Variants in HERC2 observed in about 807,000 individuals in gnomAD.
HERC2 encodes HECT and RLD domain containing E3 ubiquitin protein ligase 2.
In HERC2, 102 loss-of-function variants were observed where a neutral mutation model predicts 537.7. The observed-to-expected ratio is 0.19, with a 90% CI of 0.16 to 0.22. The LOEUF (loss-of-function observed/expected upper bound fraction) is 0.22. Among genes scored for constraint, HERC2 ranks in the 10% least tolerant of loss-of-function variants. The probability of loss-of-function intolerance (pLI) is 1.00; values close to 1 mark genes in which losing one functional copy is unlikely to be tolerated. For synonymous variants in HERC2, 2,224 were observed against 2,466.2 expected (o/e 0.90, Z 2.91); for missense variants, 4,236 against 6,198.2 (o/e 0.68, Z 10.63).
rs938189065 is a variant in HERC2, at chr15:28,270,610, C to G, written c.1257+85G>C. The G allele has an allele frequency of 3.0e-6, 4 of 1,340,472 alleles. No individual in the cohort carries two copies. The African/African-American group carries it at 5.9e-5, about 20-fold the overall frequency. 83.0% of individuals were successfully genotyped at this position (1,340,472 alleles called of 1,614,324 possible). Reference sequence around the variant, plus strand: ...CTCCCCCTACCAATACCAGAAAAAGCAAGTCTCCACACGGGCCCAGGATGA... The same window carrying G: ...CTCCCCCTACCAATACCAGAAAAAGGAAGTCTCCACACGGGCCCAGGATGA... On this transcript the variant is annotated intron_variant, in intron 10 of 92. Transcript: ENST00000261609.
At chr15:28,281,082 G>A (rs16950987) in intron 4 of HERC2, among the ~76,000 whole-genome samples, 34,401 of 152,030 alleles carry the variant, frequency 0.23, 7,790 homozygotes, top group African/African-American at 0.57. Context: ...GACTCATGAA[G>A]CACATTTATG....
intron 4 of HERC2, among the ~76,000 whole-genome samples, chr15:28,289,288 A>G (rs1451215313): frequency 6.6e-6 from 1 of 152,174 alleles, no homozygotes; most frequent in Non-Finnish European, 1.5e-5. Context: ...ACACCAAATC[A>G]GAAGAAAGGA....
intron 70 of HERC2, among the ~76,000 whole-genome samples, chr15:28,148,107 GA>G (rs1445635109): frequency 6.6e-6 from 1 of 150,564 alleles, no homozygotes; most frequent in Non-Finnish European, 1.5e-5. Flanking sequence ...AAGCAGGCCA[GA>G]AAGATACACC....
intron 8 of HERC2, 63 bp downstream of exon 8, chr15:28,272,831 T>A: frequency 9.3e-7 from 1 of 1,071,578 alleles, no homozygotes; most frequent in South Asian, 1.3e-5. Context: ...ACACACACAA[T>A]GCAACAGGTA....
rs753572356 is a variant in HERC2 at position 28,257,127 on chromosome 15, C to T, written c.2451G>A (p.Ala817=). ...RQVSEGMDGS[A]DWPPPQEKEC... is the part of the protein sequence containing the mutation. The stretch of plus-strand genomic sequence containing the variant: ...CTTTCTCCTGGGGCGGGGGCCAGTC[C>T]GCGGAACCATCCATCCCCTCACTCA... The change falls in exon 17 of 93, where the codon GCG becomes GCA. Residue 817 remains alanine (A), a synonymous_variant. Coordinates refer to ENST00000261609, the MANE Select transcript of HERC2 (RefSeq NM_004667.6). The T allele has an allele frequency of 6.2e-6, 10 of 1,613,712 alleles. No individual in the cohort carries two copies. The highest frequency in any genetic ancestry group is 1.1e-5 in the South Asian group (1 of 91,064).
intron 20 of HERC2, among the ~76,000 whole-genome samples, chr15:28,252,277 A>G (rs1187548681): frequency 6.6e-6 from 1 of 151,964 alleles, no homozygotes; most frequent in Non-Finnish European, 1.5e-5. Context: ...CAAACAGGCC[A>G]GTCTCGGTGC....
At chr15:28,262,829 G>C (rs557609399) in intron 15 of HERC2, 89 bp downstream of exon 15, 2 of 1,322,674 alleles carry the variant, frequency 1.5e-6, no homozygotes, top group Non-Finnish European at 2.1e-6. Flanking sequence ...CTCATGGAAT[G>C]TCAGGTTAAG....
chr15:28,214,875 T>A lies in HERC2; in HGVS notation c.6211-73A>T, dbSNP rs115316008. 3,549 of 1,295,176 alleles carry A rather than the reference T, an allele frequency of 2.7e-3. 79 individuals carry two copies. In the African/African-American group the frequency reaches 0.048, roughly 18 times the overall value. The allele number at this position is 1,295,176 out of a possible 1,614,324, so 80.2% of individuals were successfully genotyped here. On this transcript the variant is annotated intron_variant, in intron 39 of 92. Coordinates refer to ENST00000261609, the MANE Select transcript of HERC2 (RefSeq NM_004667.6). ...AGGAAACTACAGATTGTTATTTTTT[T>A]ATTTTTTATTTTTTTGAGACAGAGT... is the stretch of plus-strand genomic sequence containing the variant.
chr15:28,160,019 G>GT (rs1429272534), intron 69 of HERC2, among the ~76,000 whole-genome samples: 4 of 152,226 alleles, frequency 2.6e-5, no homozygotes, highest in Non-Finnish European at 4.4e-5. Context: ...GTTTGCCTGG[G>GT]TATCAGCAGC....
At chr15:28,275,086 G>T (rs1157668661) in intron 5 of HERC2, 81 bp from the exon 6 acceptor site, 2 of 800,118 alleles carry the variant, frequency 2.5e-6, no homozygotes, top group Non-Finnish European at 4.1e-6. Flanking sequence ...CTATGAAAGG[G>T]TGTGTACCAA....
chr15:28,274,998 G>T lies in HERC2; in HGVS notation c.550C>A (p.Pro184Thr), dbSNP rs773280377. ...AGCCCCTCCACACCTTTGCCCGCAGGCCGGGAACTGCAGACGACACACACG... is the reference window on the plus strand; with the variant it reads ...AGCCCCTCCACACCTTTGCCCGCAGTCCGGGAACTGCAGACGACACACACG... ...LPPVDKKSSRPAGKGVEGLAR... is the reference protein window; with the variant it reads ...LPPVDKKSSRTAGKGVEGLAR... The change falls in exon 6 of 93, where the codon CCT (proline) becomes ACT (threonine). Residue 184 changes from proline to threonine, a missense_variant. Transcript: ENST00000261609. 3.2e-5 allele frequency: 52 copies of T among 1,604,074 alleles called. No individual in the cohort carries two copies. The highest frequency in any genetic ancestry group is 4.2e-5 in the Non-Finnish European group (50 of 1,178,190).
chr15:28,175,336 C>T (rs979538334), intron 64 of HERC2, among the ~76,000 whole-genome samples, 176 bp downstream of exon 64: 10 of 152,064 alleles, frequency 6.6e-5, no homozygotes, highest in Admixed American at 2.0e-4. Flanking sequence ...TGCTGCAAAG[C>T]AGGCAGATAC....
chr15:28,318,355 G>C (rs150536114), intron 2 of HERC2, among the ~76,000 whole-genome samples: 2 of 152,122 alleles, frequency 1.3e-5, no homozygotes, highest in African/African-American at 2.4e-5. Flanking sequence ...GGCCGGGCGC[G>C]GTGGCTCACG....
intron 17 of HERC2, 60 bp downstream of exon 17, chr15:28,257,001 C>G: frequency 7.0e-7 from 1 of 1,437,860 alleles, no homozygotes; most frequent in Non-Finnish European, 9.7e-7. Flanking sequence ...ATACATAAAC[C>G]TTCTTACAAA....
chr15:28,156,937 T>C (rs1009513791), intron 69 of HERC2, among the ~76,000 whole-genome samples: 9 of 152,244 alleles, frequency 5.9e-5, no homozygotes, highest in African/African-American at 1.2e-4. Context: ...AATACTGAAT[T>C]TGTTGAGTTT....
At chr15:28,243,748 T>TG (rs1343947970) in intron 23 of HERC2, among the ~76,000 whole-genome samples, 1 of 152,074 alleles carries the variant, frequency 6.6e-6, no homozygotes, top group Non-Finnish European at 1.5e-5. Flanking sequence ...GGCATGGAAG[T>TG]GGAACACTGA....
intron 20 of HERC2, among the ~76,000 whole-genome samples, chr15:28,253,492 T>G (rs1234529910): frequency 2.0e-5 from 3 of 152,248 alleles, no homozygotes; most frequent in Non-Finnish European, 4.4e-5. Context: ...GAAAAACTTC[T>G]GAGTATCATC....
In HERC2 at chr15:28,186,676, A is replaced by G. The variant is rs1896339673; in HGVS notation, c.8726T>C (p.Leu2909Pro). ...CTCTTCTGCACGGATCCGTCCCAGC[A>G]GGATGAGACCATGGATTTTACAATC... ...GIDCKIHGLI[L>P]LGRIRAEEED... The change falls in exon 56 of 93, where the codon CTG (leucine) becomes CCG (proline). Residue 2909 changes from leucine to proline, a missense_variant. Around this residue, in one of 27 missense-constraint regions of HERC2, gnomAD observed 606 missense variants for 884.5 expected, o/e 0.69. Transcript: ENST00000261609. The G allele has an allele frequency of 6.2e-7, 1 of 1,613,994 alleles. No homozygotes were observed. The highest frequency in any genetic ancestry group is 1.3e-5 in the African/African-American group (1 of 74,936).
rs2075287820 is a variant in HERC2 at position 28,257,132 on chromosome 15, A to G, written c.2446T>C (p.Ser816Pro). 4 of 1,613,794 alleles carry G rather than the reference A, an allele frequency of 2.5e-6. No individual in the cohort carries two copies. The highest frequency in any genetic ancestry group is 3.4e-6 in the Non-Finnish European group (4 of 1,179,740). ...LRQVSEGMDG[S>P]ADWPPPQEKE... ...TCCTGGGGCGGGGGCCAGTCCGCGG[A>G]ACCATCCATCCCCTCACTCACCTGC... Residue 816 changes from serine to proline, a missense_variant, in exon 17 of 93, where the codon TCC becomes CCC. Physicochemically the swap from Ser to Pro is moderately conservative, Grantham distance 74 (BLOSUM62 -1). This residue lies in a region of HERC2 where 754 missense variants were observed against 1,085.0 expected (regional missense o/e 0.69). Transcript: ENST00000261609.
Sources: allele counts gnomAD v4.1 joint callset (sites outside exome capture counted in the v4.1 genomes callset), GRCh38; gene constraint gnomAD v4.1.1; regional missense constraint gnomAD v4.1.1; transcripts MANE v1.5; gene names NCBI Gene and HGNC (gene_info 2026-07-23, HGNC 2026-07-21).